Variants in SNX13 observed in about 807,000 individuals in gnomAD.
The protein encoded by SNX13 is sorting nexin 13.
In SNX13, 45 loss-of-function variants were observed where a neutral mutation model predicts 133.6. The ratio of observed to expected loss-of-function variants is 0.34; its 90% CI spans 0.27 to 0.43. The LOEUF (loss-of-function observed/expected upper bound fraction) is 0.43, where lower values mean the gene tolerates loss of function less well. Ranked by LOEUF, SNX13 falls within the 20% of genes least tolerant of loss-of-function variation. The probability of loss-of-function intolerance (pLI) is 1.00; values close to 1 mark genes in which losing one functional copy is unlikely to be tolerated. For missense variants in SNX13, 1,032 were observed against 1,145.1 expected, an observed-to-expected ratio of 0.90 and a Z score of 1.43; for synonymous variants, 414 against 373.9, an observed-to-expected ratio of 1.11 and a Z score of -1.24.
intron 20 of SNX13, among the ~76,000 whole-genome samples, chr7:17,811,697 T>A (rs1257942966): frequency 6.6e-6 from 1 of 152,152 alleles, no homozygotes; most frequent in East Asian, 1.9e-4. Context: ...AAGAGAATCC[T>A]AAGCAAAAAG....
chr7:17,931,556 G>A (rs1304932690), intron 1 of SNX13, among the ~76,000 whole-genome samples: 1 of 152,094 alleles, frequency 6.6e-6, no homozygotes, highest in African/African-American at 2.4e-5. Context: ...AAGCCAGTCA[G>A]GCTAAAAATA....
In SNX13 at chr7:17,904,797, T is replaced by A. The variant is rs142709014; in HGVS notation, c.13-7351A>T. ...ATAAGAAGAGTGGTCTTATAACAAG[T>A]ACAGACTGTTTTCCTCCCACGTTAT... On this transcript the variant is annotated intron_variant, in intron 1 of 25. Coordinates refer to ENST00000428135, the MANE Select transcript of SNX13 (RefSeq NM_015132.5). 3.0e-3 allele frequency among the ~76,000 whole-genome samples: 461 copies of A among 152,308 alleles called. 5 individuals are homozygous for A. The highest frequency in any genetic ancestry group is 0.011 in the African/African-American group (450 of 41,566).
chr7:17,932,628 T>C (rs1274259562), intron 1 of SNX13, among the ~76,000 whole-genome samples: 1 of 152,210 alleles, frequency 6.6e-6, no homozygotes, highest in East Asian at 1.9e-4. Context: ...GTTTACTCTA[T>C]TAGGGAAAAA....
intron 9 of SNX13, among the ~76,000 whole-genome samples, chr7:17,852,867 C>T (rs1473401381): frequency 6.6e-6 from 1 of 152,158 alleles, no homozygotes; most frequent in Admixed American, 6.5e-5. Context: ...ATTTCATCCA[C>T]AGTAACAGAA....
chr7:17,813,380 C>T (rs144097319), intron 20 of SNX13, among the ~76,000 whole-genome samples: 13 of 152,182 alleles, frequency 8.5e-5, no homozygotes, highest in Admixed American at 2.6e-4. Context: ...TCATGAAATA[C>T]GCAGAAAAGC....
At chr7:17,821,078 C>A (rs1269514479) in intron 18 of SNX13, among the ~76,000 whole-genome samples, 2 of 152,048 alleles carry the variant, frequency 1.3e-5, no homozygotes, top group Non-Finnish European at 2.9e-5. Context: ...ATCAAGGATT[C>A]ATTTCACTGT....
intron 20 of SNX13, among the ~76,000 whole-genome samples, chr7:17,812,115 A>G (rs1786114627): frequency 6.6e-6 from 1 of 152,232 alleles, no homozygotes; most frequent in African/African-American, 2.4e-5. Context: ...AAAACACCAA[A>G]AGCAATGGCA....
At chr7:17,897,196 T>C (rs1797301707) in intron 2 of SNX13, 138 bp downstream of exon 2, 1 of 433,290 alleles carries the variant, frequency 2.3e-6, no homozygotes, top group Non-Finnish European at 4.1e-6. Context: ...TGGGTATCCT[T>C]ATTTTTTTAA....
chr7:17,904,555 G>C (rs1016909152), intron 1 of SNX13, among the ~76,000 whole-genome samples: 2 of 152,144 alleles, frequency 1.3e-5, no homozygotes, highest in African/African-American at 4.8e-5. Context: ...TCTTAGAATA[G>C]ACTGTCAGAA....
chr7:17,843,775 ACT>A (rs1490665550), intron 12 of SNX13, among the ~76,000 whole-genome samples: 1 of 151,980 alleles, frequency 6.6e-6, no homozygotes, highest in Non-Finnish European at 1.5e-5. Flanking sequence ...AAACTGGAAA[ACT>A]CATATATTTT....
chr7:17,833,221 T>C (rs1198808343), intron 15 of SNX13, among the ~76,000 whole-genome samples: 1 of 151,656 alleles, frequency 6.6e-6, no homozygotes, highest in African/African-American at 2.4e-5. Flanking sequence ...GCCTAAGAAT[T>C]TGGAAGCTTG....
chr7:17,911,866 G>C (rs1221053148), intron 1 of SNX13, among the ~76,000 whole-genome samples: 1 of 152,012 alleles, frequency 6.6e-6, no homozygotes, highest in Non-Finnish European at 1.5e-5. Flanking sequence ...TACACAAAAA[G>C]CCTAGACTAA....
intron 16 of SNX13, among the ~76,000 whole-genome samples, chr7:17,826,697 G>C (rs1787950943): frequency 6.6e-6 from 1 of 152,010 alleles, no homozygotes; most frequent in Non-Finnish European, 1.5e-5. Context: ...TAAATGATTA[G>C]TTTTCAAAAA....
At chr7:17,811,168 A>T (rs1014234285) in intron 20 of SNX13, among the ~76,000 whole-genome samples, 3 of 152,200 alleles carry the variant, frequency 2.0e-5, no homozygotes, top group African/African-American at 7.2e-5. Context: ...CGGGCAAGAG[A>T]AAGAAAGAAA....
chr7:17,853,927 C>A (rs138023046), intron 9 of SNX13, among the ~76,000 whole-genome samples: 66 of 149,248 alleles, frequency 4.4e-4, no homozygotes, highest in Middle Eastern at 3.4e-3. Flanking sequence ...CGCGACAGAG[C>A]GAGAATCCAT....
intron 20 of SNX13, among the ~76,000 whole-genome samples, chr7:17,804,064 C>CA (rs1050723661): frequency 1.3e-5 from 2 of 151,560 alleles, no homozygotes; most frequent in Non-Finnish European, 2.9e-5. Flanking sequence ...ACCCTTGTCA[C>CA]AAAAAACAAA....
intron 17 of SNX13, among the ~76,000 whole-genome samples, chr7:17,822,147 T>C (rs951609768): frequency 6.6e-6 from 1 of 152,160 alleles, no homozygotes. Flanking sequence ...CTTCTGGCAA[T>C]TTTCTTTTTC....
At chr7:17,931,749 T>C (rs777996287) in intron 1 of SNX13, among the ~76,000 whole-genome samples, 34 of 152,342 alleles carry the variant, frequency 2.2e-4, no homozygotes, top group African/African-American at 7.0e-4. Context: ...TAAACAATGG[T>C]GAATTATTCC....
At chr7:17,861,553 G>C (rs748449712) in intron 9 of SNX13, among the ~76,000 whole-genome samples, 1 of 152,110 alleles carries the variant, frequency 6.6e-6, no homozygotes, top group Non-Finnish European at 1.5e-5. Context: ...AAAATCTCAG[G>C]AAATAGTCAA....
Sources: allele counts gnomAD v4.1 joint callset (sites outside exome capture counted in the v4.1 genomes callset), GRCh38; gene constraint gnomAD v4.1.1; transcripts MANE v1.5; gene names NCBI Gene and HGNC (gene_info 2026-07-23, HGNC 2026-07-21).